The following GRIK4 variants were observed in gnomAD, a reference collection of about 807,000 sequenced individuals.
GRIK4 encodes the protein glutamate receptor ionotropic, kainate 4.
In GRIK4, 40 loss-of-function variants were observed where a neutral mutation model predicts 104.9. That is an observed-to-expected ratio of 0.38 (90% confidence interval 0.30 to 0.50). The LOEUF is 0.50. Ranked by LOEUF, GRIK4 falls within the 20% of genes least tolerant of loss-of-function variation. The pLI is 0.93. For synonymous variants in GRIK4, 485 were observed against 524.9 expected (o/e 0.92, Z 1.04); for missense variants, 1,047 against 1,308.1 (o/e 0.80, Z 3.08).
intron 3 of GRIK4, among the ~76,000 whole-genome samples, chr11:120,679,898 A>G (rs1950162391): frequency 6.6e-6 from 1 of 152,126 alleles, no homozygotes; most frequent in Non-Finnish European, 1.5e-5. Context: ...CTCAATACCC[A>G]TGAATTCTGT....
intron 3 of GRIK4, among the ~76,000 whole-genome samples, chr11:120,691,346 C>T (rs904382740): frequency 2.0e-5 from 3 of 152,168 alleles, no homozygotes; most frequent in African/African-American, 7.2e-5. Context: ...AACCAATAGA[C>T]ACCAGGCCCC....
At chr11:120,734,605 G>GT (rs1951191057) in intron 3 of GRIK4, among the ~76,000 whole-genome samples, 1 of 152,134 alleles carries the variant, frequency 6.6e-6, no homozygotes, top group Non-Finnish European at 1.5e-5. Flanking sequence ...GAAGTTCTCT[G>GT]ATATTATCCC....
rs151014235 is a variant in GRIK4, at chr11:120,821,352, G to A, written c.511+1432G>A. On this transcript the variant is annotated intron_variant, in intron 6 of 20. Coordinates refer to ENST00000527524, the MANE Select transcript of GRIK4 (RefSeq NM_014619.5). ...GGAGGGAAAGAGATAGGTCATGCCA[G>A]ATGAGGAGCAAGAGAGGGAGGCAGG... Among the ~76,000 whole-genome samples the A allele has an allele frequency of 4.2e-3, 642 of 152,350 alleles. 7 individuals are homozygous for A. The highest frequency in any genetic ancestry group is 0.015 in the African/African-American group (616 of 41,590).
rs779169082 is a variant in GRIK4, at chr11:120,601,647, G to GTTT, written c.-158-52021_-158-52019dup. On this transcript the variant is annotated intron_variant, in intron 1 of 20. Coordinates refer to ENST00000527524, the MANE Select transcript of GRIK4 (RefSeq NM_014619.5). ...TGGTTCTGTTGTTGTTGTGTGTGTG[G>GTTT]TTTTTTTTTTTTTTTTTTTAAGTTG... 9.4e-3 allele frequency among the ~76,000 whole-genome samples: 1,174 copies of GTTT among 125,156 alleles called. 34 individuals are homozygous for GTTT. Among genetic ancestry groups the GTTT allele is most frequent in the African/African-American group, 0.021 (670 of 32,600 alleles). The allele number at this position is 125,156 out of a possible 152,430, so 82.1% of individuals were successfully genotyped here.
intron 3 of GRIK4, among the ~76,000 whole-genome samples, chr11:120,795,725 G>A (rs553043160): frequency 1.3e-4 from 20 of 152,280 alleles, no homozygotes; most frequent in African/African-American, 4.6e-4. Flanking sequence ...TTGGGATGGG[G>A]AGTTTGGGAA....
intron 8 of GRIK4, among the ~76,000 whole-genome samples, chr11:120,857,947 G>A (rs1954157634): frequency 6.6e-6 from 1 of 152,162 alleles, no homozygotes; most frequent in African/African-American, 2.4e-5. Context: ...TGGAAGACCT[G>A]GTCCTGGTCT....
intron 12 of GRIK4, among the ~76,000 whole-genome samples, chr11:120,899,049 C>T (rs116685283): frequency 3.9e-5 from 6 of 152,142 alleles, no homozygotes; most frequent in African/African-American, 9.7e-5. Flanking sequence ...CATCCTGAAG[C>T]GGACATGGGA....
intron 1 of GRIK4, among the ~76,000 whole-genome samples, chr11:120,606,271 G>A (rs1011636450): frequency 3.9e-5 from 6 of 152,078 alleles, no homozygotes; most frequent in African/African-American, 1.2e-4. Context: ...CCCTCCCCAC[G>A]CCCCTCCTCT....
intron 1 of GRIK4, among the ~76,000 whole-genome samples, chr11:120,617,404 G>A (rs73574442): frequency 0.013 from 1,922 of 151,920 alleles, 44 homozygotes; most frequent in African/African-American, 0.044. Flanking sequence ...TATTGAGGCA[G>A]GATCTAACTC....
At position 120,903,670 on chromosome 11, in the gene GRIK4, G is replaced by C. The variant is rs1392397559; in HGVS notation, c.1273-1620G>C. Reference sequence around the variant, plus strand: ...AGGGAGTCACAGAATCACAGAATTGGGTGGGCCCCTGGGACCCCCAGCCCT... The same window carrying C: ...AGGGAGTCACAGAATCACAGAATTGCGTGGGCCCCTGGGACCCCCAGCCCT... On this transcript the variant is annotated intron_variant, in intron 12 of 20. Coordinates refer to ENST00000527524, the MANE Select transcript of GRIK4 (RefSeq NM_014619.5). This position sits in a 1 kb window ranked among gnomAD's most constrained non-coding sequence, Gnocchi z 4.4. Among the ~76,000 whole-genome samples, 1 of 152,116 alleles carries C rather than the reference G, an allele frequency of 6.6e-6. No individual in the cohort carries two copies. The highest frequency in any genetic ancestry group is 1.5e-5 in the Non-Finnish European group (1 of 68,026).
chr11:120,908,089 G>A (rs1051958525), intron 13 of GRIK4, among the ~76,000 whole-genome samples: 1 of 152,160 alleles, frequency 6.6e-6, no homozygotes, highest in African/African-American at 2.4e-5. Flanking sequence ...TGGGGCTATT[G>A]AATGTGCTGG....
At chr11:120,892,754 A>T (rs1000561319) in intron 11 of GRIK4, among the ~76,000 whole-genome samples, 1 of 152,128 alleles carries the variant, frequency 6.6e-6, no homozygotes, top group Admixed American at 6.5e-5. Context: ...TTGTACAGTC[A>T]TCTCCTTTCC....
chr11:120,920,103 G>A (rs954801803), intron 13 of GRIK4, among the ~76,000 whole-genome samples: 11 of 152,226 alleles, frequency 7.2e-5, no homozygotes, highest in African/African-American at 2.4e-4. Context: ...GGACACCTAG[G>A]TACAAATCGC....
chr11:120,557,006 C>T (rs973163412), intron 1 of GRIK4, among the ~76,000 whole-genome samples: 2 of 152,154 alleles, frequency 1.3e-5, no homozygotes, highest in African/African-American at 4.8e-5. Flanking sequence ...TGAGCTGACC[C>T]GTCCAGTCTC....
At chr11:120,620,636 C>T (rs913795410) in intron 1 of GRIK4, among the ~76,000 whole-genome samples, 10 of 152,126 alleles carry the variant, frequency 6.6e-5, no homozygotes, top group Admixed American at 2.6e-4. Flanking sequence ...CACCTGGCCC[C>T]GGAAAGCTTT....
rs1356998686 is a variant in GRIK4, at chr11:120,555,533, C to T, written c.-159+43646C>T. ...AAATTTGCTCTGGGGCTGAGGCTGCCACCAGATGCACACAGCGGTCGTCTT... is the reference window on the plus strand; with the variant it reads ...AAATTTGCTCTGGGGCTGAGGCTGCTACCAGATGCACACAGCGGTCGTCTT... On this transcript the variant is annotated intron_variant, in intron 1 of 20. Coordinates refer to ENST00000527524, the MANE Select transcript of GRIK4 (RefSeq NM_014619.5). This position sits in a 1 kb window ranked among gnomAD's most constrained non-coding sequence, Gnocchi z 5.3. 6.6e-6 allele frequency among the ~76,000 whole-genome samples: 1 copy of T among 152,230 alleles called. No homozygotes were observed. The highest frequency in any genetic ancestry group is 1.5e-5 in the Non-Finnish European group (1 of 68,040).
chr11:120,928,660 G>T lies in GRIK4; in HGVS notation c.1477-11687G>T, dbSNP rs376466437. ...ACTGCCAGCCCCTTCTTTCCTTAGC[G>T]CTGGTTCGTTCCTAAAATCTGCCCT... On this transcript the variant is annotated intron_variant, in intron 13 of 20. Transcript: ENST00000527524. Among the ~76,000 whole-genome samples the T allele has an allele frequency of 7.9e-5, 12 of 152,194 alleles. 1 individual carries two copies. The highest frequency in any genetic ancestry group is 2.9e-4 in the African/African-American group (12 of 41,524).
chr11:120,532,913 C>A (rs554511921), intron 1 of GRIK4, among the ~76,000 whole-genome samples: 1 of 152,302 alleles, frequency 6.6e-6, no homozygotes, highest in South Asian at 2.1e-4. Flanking sequence ...GCTTCATTCA[C>A]TCATTCATCC....
intron 19 of GRIK4, among the ~76,000 whole-genome samples, chr11:120,976,154 G>T (rs1944557813): frequency 6.6e-6 from 1 of 152,146 alleles, no homozygotes; most frequent in South Asian, 2.1e-4. Context: ...CTTCTCTATG[G>T]TGTTTTTAAC....
Sources: allele counts gnomAD v4.1 joint callset (sites outside exome capture counted in the v4.1 genomes callset), GRCh38; gene constraint gnomAD v4.1.1; non-coding constraint Gnocchi (gnomAD v3.1); transcripts MANE v1.5; gene names NCBI Gene and HGNC (gene_info 2026-07-23, HGNC 2026-07-21).